The following MPP1 variants were observed in gnomAD, a reference collection of about 807,000 sequenced individuals.
MPP1 encodes MAGUK p55 scaffold protein 1, also known as 55 kDa erythrocyte membrane protein.
MPP1 carries 6 observed loss-of-function variants against 38.2 expected under a neutral mutation model. The ratio of observed to expected loss-of-function variants is 0.16; its 90% CI spans 0.09 to 0.31. MPP1 has a LOEUF of 0.31. MPP1 is among the 10% of genes least tolerant of loss of function. The probability of loss-of-function intolerance (pLI) is 1.00; values close to 1 mark genes in which losing one functional copy is unlikely to be tolerated. For synonymous variants in MPP1, 153 were observed against 146.3 expected (o/e 1.05, Z -0.33); for missense variants, 293 against 368.9 (o/e 0.79, Z 1.69).
Position 154,791,064 on chromosome X carries a change from G to A in MPP1, c.330C>T (p.Ser110=). ...LHGGMIHRQG[S]LHVGDEILEI... ...CTAGGATCTCATCCCCCACGTGAAG[G>A]GAGCCTGCCATGAAATGAAAAATCA... The change falls in exon 4 of 12, where the codon TCC becomes TCT. Residue 110 remains serine (S), a synonymous_variant. Transcript: ENST00000369534. The A allele has an allele frequency of 8.3e-7, 1 of 1,206,507 alleles. No individual in the cohort carries two copies. The highest frequency in any genetic ancestry group is 1.1e-6 in the Non-Finnish European group (1 of 892,401).
intron 5 of MPP1, among the ~76,000 whole-genome samples, chrX:154,787,139 CA>C (rs1569558866): frequency 1.5e-3 from 151 of 99,288 alleles, no homozygotes; most frequent in African/African-American, 5.1e-3. Context: ...CACACACACA[CA>C]CACACACCTA....
chrX:154,781,043 G>C (rs1184895067), intron 11 of MPP1, among the ~76,000 whole-genome samples, 196 bp downstream of exon 11: 2 of 111,728 alleles, frequency 1.8e-5, no homozygotes, highest in Non-Finnish European at 1.9e-5. Context: ...CTGTTAGGTA[G>C]CATGGGCACT....
intron 1 of MPP1, among the ~76,000 whole-genome samples, chrX:154,803,463 G>A (rs1246962839): frequency 4.4e-5 from 5 of 112,675 alleles, no homozygotes; most frequent in African/African-American, 1.6e-4. Flanking sequence ...CTCAGAGGTT[G>A]TGCCCACAAC....
At chrX:154,795,337 G>A (rs990493477) in intron 1 of MPP1, among the ~76,000 whole-genome samples, 6 of 111,867 alleles carry the variant, frequency 5.4e-5, no homozygotes, top group African/African-American at 2.0e-4. Flanking sequence ...GATACACCAT[G>A]TAGGTAGGAA....
intron 9 of MPP1, chrX:154,782,857 A>C (rs1557266776): frequency 2.7e-5 from 3 of 112,469 alleles, no homozygotes; most frequent in Non-Finnish European, 3.8e-5. Flanking sequence ...TTAAGTGAGG[A>C]ATCACCGTAT....
At position 154,781,604 on chromosome X, in the gene MPP1, G is replaced by T. The variant is rs782479508; in HGVS notation, c.1145C>A (p.Pro382His). 1 of 1,210,052 alleles carries T rather than the reference G, an allele frequency of 8.3e-7. No homozygotes were observed. Among genetic ancestry groups the T allele is most frequent in the Non-Finnish European group, 1.1e-6 (1 of 895,007 alleles). ...QNKIAILDIE[P>H]QTLKIVRTAE... The stretch of plus-strand genomic sequence containing the variant: ...TGCCCTTCCATGCCTACCCACCTGG[G>T]GCTCAATGTCAAGGATGGCAATCTT... Residue 382 changes from proline to histidine, a missense_variant, in exon 10 of 12, where the codon CCC (proline) becomes CAC (histidine). Coordinates refer to ENST00000369534, the MANE Select transcript of MPP1 (RefSeq NM_002436.4).
chrX:154,783,635 G>C (rs1557266885), intron 8 of MPP1, 128 bp from the exon 9 acceptor site: 3 of 538,842 alleles, frequency 5.6e-6, no homozygotes, highest in Non-Finnish European at 9.1e-6. Context: ...TCTGGGCTGG[G>C]GTCAACTCTA....
At chrX:154,794,776 C>T (rs918061176) in intron 1 of MPP1, among the ~76,000 whole-genome samples, 2 of 112,333 alleles carry the variant, frequency 1.8e-5, no homozygotes, top group Non-Finnish European at 3.8e-5. Flanking sequence ...TTCTAAGGGA[C>T]TCTGATTTCT....
At chrX:154,779,604 T>G (rs781922453) in intron 11 of MPP1, among the ~76,000 whole-genome samples, 1 of 112,732 alleles carries the variant, frequency 8.9e-6, no homozygotes, top group Non-Finnish European at 1.9e-5. Context: ...CCAATAGCTA[T>G]GCAGAGACAG....
At chrX:154,791,121 C>T in intron 3 of MPP1, 53 bp from the exon 4 acceptor site, 2 of 1,037,773 alleles carry the variant, frequency 1.9e-6, no homozygotes, top group Non-Finnish European at 2.7e-6. Flanking sequence ...CAAACAGGAG[C>T]TGTCAATGTA....
chrX:154,781,193 A>C (rs2071989216), intron 11 of MPP1, 46 bp downstream of exon 11: 7 of 1,087,501 alleles, frequency 6.4e-6, no homozygotes, highest in Non-Finnish European at 7.6e-6. Context: ...CAGTATGGGC[A>C]GGCCCGGAGA....
chrX:154,803,763 A>G (rs1369906941), intron 1 of MPP1, among the ~76,000 whole-genome samples: 1 of 112,401 alleles, frequency 8.9e-6, no homozygotes, highest in Non-Finnish European at 1.9e-5. Context: ...GACTATATAC[A>G]TCTGTCAAAT....
intron 1 of MPP1, chrX:154,799,960 CA>C (rs1171274634): frequency 1.4e-5 from 13 of 933,976 alleles, no homozygotes; most frequent in Non-Finnish European, 1.9e-5. Context: ...GTGAATAGAG[CA>C]GGGGCAACTG....
At chrX:154,803,510 G>A (rs1300461147) in intron 1 of MPP1, among the ~76,000 whole-genome samples, 2 of 112,245 alleles carry the variant, frequency 1.8e-5, no homozygotes, top group African/African-American at 6.5e-5. Flanking sequence ...TTTCAAAAAG[G>A]CACAGTCTTT....
At chrX:154,793,507 A>G (rs782182020) in intron 1 of MPP1, among the ~76,000 whole-genome samples, 1 of 112,197 alleles carries the variant, frequency 8.9e-6, no homozygotes, top group African/African-American at 3.2e-5. Context: ...AGGAAAAAGA[A>G]GGTGGATAGA....
At chrX:154,799,285 C>T (rs1412777063) in intron 1 of MPP1, among the ~76,000 whole-genome samples, 1 of 111,936 alleles carries the variant, frequency 8.9e-6, no homozygotes, top group Admixed American at 9.5e-5. Flanking sequence ...AAACTTCCAA[C>T]GTGGTAACTA....
intron 5 of MPP1, among the ~76,000 whole-genome samples, chrX:154,787,337 A>G (rs1315884646): frequency 8.9e-6 from 1 of 111,939 alleles, no homozygotes; most frequent in Non-Finnish European, 1.9e-5. Flanking sequence ...AAATATCAGC[A>G]AGTCAAATTT....
At chrX:154,784,202 A>C in intron 7 of MPP1, 94 bp from the exon 8 acceptor site, 16 of 674,204 alleles carry the variant, frequency 2.4e-5, no homozygotes, top group Non-Finnish European at 3.5e-5. Flanking sequence ...GCGACATCTC[A>C]ACAAGCAGGG....
At chrX:154,782,845 T>C (rs1557266775) in intron 9 of MPP1, 1 of 112,455 alleles carries the variant, frequency 8.9e-6, no homozygotes, top group African/African-American at 3.2e-5. Flanking sequence ...CTATTGACAA[T>C]ATTAAGTGAG....
Sources: allele counts gnomAD v4.1 joint callset (sites outside exome capture counted in the v4.1 genomes callset), GRCh38; gene constraint gnomAD v4.1.1; transcripts MANE v1.5; gene names NCBI Gene and HGNC (gene_info 2026-07-23, HGNC 2026-07-21).